The following SGK1 variants were observed in gnomAD, a reference collection of about 807,000 sequenced individuals.
The protein encoded by SGK1 is serum/glucocorticoid regulated kinase 1, also known as serine/threonine-protein kinase Sgk1.
SGK1 carries 26 observed loss-of-function variants against 64.2 expected under a neutral mutation model. The observed-to-expected ratio is 0.40, with a 90% CI of 0.30 to 0.56. The LOEUF (loss-of-function observed/expected upper bound fraction) is 0.56. Among genes scored for constraint, SGK1 ranks in the 20% least tolerant of loss-of-function variants. The pLI, the probability that SGK1 is intolerant of heterozygous loss-of-function variation, is 0.38. For missense variants in SGK1, 519 were observed against 645.6 expected, an observed-to-expected ratio of 0.80 and a Z score of 2.12; for synonymous variants, 265 against 239.7, an observed-to-expected ratio of 1.11 and a Z score of -0.98.
chr6:134,208,068 C>G (rs371376625), intron 2 of SGK1, among the ~76,000 whole-genome samples: 1 of 152,044 alleles, frequency 6.6e-6, no homozygotes, highest in Non-Finnish European at 1.5e-5. Context: ...TGTGCCACCA[C>G]GCCTGGCTAA....
chr6:134,313,980 T>A (rs941431611), intron 1 of SGK1, among the ~76,000 whole-genome samples: 1 of 152,226 alleles, frequency 6.6e-6, no homozygotes, highest in African/African-American at 2.4e-5. Context: ...CATTTTTCCA[T>A]TCATCTTAAA....
intron 2 of SGK1, among the ~76,000 whole-genome samples, chr6:134,223,671 G>A (rs558207691): frequency 6.6e-6 from 1 of 152,306 alleles, no homozygotes; most frequent in East Asian, 1.9e-4. Flanking sequence ...TTTGCTTTAT[G>A]CTATAATTTG....
intron 1 of SGK1, among the ~76,000 whole-genome samples, chr6:134,314,617 G>A (rs1430978923): frequency 1.3e-5 from 2 of 152,164 alleles, no homozygotes; most frequent in Non-Finnish European, 2.9e-5. Flanking sequence ...TTCCTACCCA[G>A]AACATAGTCA....
intron 1 of SGK1, among the ~76,000 whole-genome samples, chr6:134,282,126 G>A (rs1777103361): frequency 6.6e-6 from 1 of 152,104 alleles, no homozygotes; most frequent in African/African-American, 2.4e-5. Context: ...CTGTCGTGTT[G>A]AGTCAGATCT....
chr6:134,240,200 G>A (rs1763511), intron 2 of SGK1, among the ~76,000 whole-genome samples: 73,306 of 151,098 alleles, frequency 0.49, 21,567 homozygotes, highest in South Asian at 0.77. Flanking sequence ...GCTGAGGCAG[G>A]AGAATCGCTT....
intron 2 of SGK1, among the ~76,000 whole-genome samples, chr6:134,253,672 T>G (rs969786229): frequency 6.6e-6 from 1 of 152,070 alleles, no homozygotes; most frequent in Non-Finnish European, 1.5e-5. Flanking sequence ...AAAAATTTTT[T>G]TCTACAGTGC....
rs1178699258 is a variant in SGK1 at position 134,198,726 on chromosome 6, A to ATTTTTTTTTTTTTT, written c.361+8616_361+8629dup. Among the ~76,000 whole-genome samples, 47 of 101,782 alleles carry ATTTTTTTTTTTTTT rather than the reference A, an allele frequency of 4.6e-4. 2 individuals carry two copies. Among genetic ancestry groups the ATTTTTTTTTTTTTT allele is most frequent in the Non-Finnish European group, 6.4e-4 (34 of 53,346 alleles). 66.8% of individuals were successfully genotyped at this position (101,782 alleles called of 152,430 possible). On this transcript the variant is annotated intron_variant, in intron 3 of 13. Transcript: ENST00000367858. ...TTTTTTCTTCTTTTTCTCTTTTTCT[A>ATTTTTTTTTTTTTT]TTTTTTTTTTTTTTTTTTTTGAAAA...
intron 2 of SGK1, among the ~76,000 whole-genome samples, chr6:134,242,155 C>T (rs899969965): frequency 6.6e-6 from 1 of 152,104 alleles, no homozygotes. Flanking sequence ...TGCTCATGAA[C>T]CGCAGAGGGA....
chr6:134,264,275 A>G (rs1273178826), intron 1 of SGK1, among the ~76,000 whole-genome samples: 2 of 151,952 alleles, frequency 1.3e-5, no homozygotes, highest in South Asian at 2.1e-4. Flanking sequence ...ACCTGCCACC[A>G]TGCCTGGCTA....
chr6:134,209,389 G>A (rs772923681), intron 2 of SGK1, among the ~76,000 whole-genome samples: 1 of 152,108 alleles, frequency 6.6e-6, no homozygotes. Flanking sequence ...AGCTGAGATC[G>A]TGCCACTGCA....
intron 1 of SGK1, among the ~76,000 whole-genome samples, chr6:134,279,329 G>T (rs1294655970): frequency 6.6e-6 from 1 of 152,090 alleles, no homozygotes; most frequent in African/African-American, 2.4e-5. Flanking sequence ...CTACTCAGGA[G>T]GCTGAGGCAA....
rs984222799 is a variant in SGK1 at position 134,292,077 on chromosome 6, C to A, written c.69+25315G>T. Among the ~76,000 whole-genome samples the A allele has an allele frequency of 4.0e-4, 55 of 137,540 alleles. 1 individual carries two copies. Among genetic ancestry groups the A allele is most frequent in the African/African-American group, 1.3e-3 (50 of 37,880 alleles). 90.2% of individuals were successfully genotyped at this position (137,540 alleles called of 152,430 possible). A position where few individuals can be genotyped will look rare whatever the true frequency, so the allele number is the denominator to read the frequency against. On this transcript the variant is annotated intron_variant, in intron 1 of 13. Transcript: ENST00000367858. The stretch of plus-strand genomic sequence containing the variant: ...GACTCTCTCTCAAAAAAAAAAAAAA[C>A]ACTAGATTTTTTGAAATTTTGTTTT...
chr6:134,248,577 C>T (rs967389394), intron 2 of SGK1, among the ~76,000 whole-genome samples: 25 of 151,472 alleles, frequency 1.7e-4, no homozygotes, highest in African/African-American at 6.1e-4. Context: ...TCAGCCTCCC[C>T]AGTAGCTGGG....
At chr6:134,206,975 C>T (rs572787263) in intron 3 of SGK1, among the ~76,000 whole-genome samples, 32 of 152,058 alleles carry the variant, frequency 2.1e-4, no homozygotes, top group African/African-American at 6.8e-4. Flanking sequence ...CCTGTAATCC[C>T]AGCACTTTGG....
chr6:134,298,128 T>C, intron 1 of SGK1: 2 of 1,326,490 alleles, frequency 1.5e-6, no homozygotes, highest in South Asian at 1.2e-5. Context: ...TCCACATCCT[T>C]CTTGATGAGG....
At chr6:134,306,575 G>A (rs1777538099) in intron 1 of SGK1, among the ~76,000 whole-genome samples, 2 of 151,958 alleles carry the variant, frequency 1.3e-5, no homozygotes, top group Non-Finnish European at 2.9e-5. Context: ...CCAGGCTGGA[G>A]TACAGTGGTG....
rs1170253783 is a variant in SGK1 at position 134,174,573 on chromosome 6, C to G, written c.375G>C (p.Gln125His). The change falls in exon 4 of 14, where the codon CAG becomes CAC. Residue 125 changes from glutamine to histidine, a missense_variant. Gln to His is a conservative substitution (Grantham distance 24). Coordinates refer to ENST00000367858, the MANE Select transcript of SGK1 (RefSeq NM_001143676.3). The part of the protein sequence containing the change: ...WTNDDPAFMK[Q>H]RRMGLNDFIQ... ...TAAAGTCGTTCAGACCCATCCTCCT[C>G]TGCTTCATGAAAGCTGTGGATGAAG... 6.2e-7 allele frequency: 1 copy of G among 1,613,984 alleles called. No individual in the cohort carries two copies. The highest frequency in any genetic ancestry group is 2.2e-5 in the East Asian group (1 of 44,888).
chr6:134,309,412 C>T (rs1777580085), intron 1 of SGK1, among the ~76,000 whole-genome samples: 1 of 152,162 alleles, frequency 6.6e-6, no homozygotes, highest in Non-Finnish European at 1.5e-5. Flanking sequence ...CTCCACTTTC[C>T]CACATGGTCT....
intron 3 of SGK1, among the ~76,000 whole-genome samples, chr6:134,206,961 C>T (rs1015496768): frequency 2.0e-5 from 3 of 151,968 alleles, no homozygotes; most frequent in East Asian, 1.9e-4. Context: ...CGCGGTGGCT[C>T]ACGCCTGTAA....
Sources: allele counts gnomAD v4.1 joint callset (sites outside exome capture counted in the v4.1 genomes callset), GRCh38; gene constraint gnomAD v4.1.1; transcripts MANE v1.5; gene names NCBI Gene and HGNC (gene_info 2026-07-23, HGNC 2026-07-21).